GRM4: variants seen among roughly 807,000 people sequenced by gnomAD.
GRM4 encodes metabotropic glutamate receptor 4.
GRM4 carries 28 observed loss-of-function variants against 81.7 expected under a neutral mutation model. The observed-to-expected ratio is 0.34, with a 90% CI of 0.25 to 0.47. The LOEUF is 0.47. Among genes scored for constraint, GRM4 ranks in the 20% least tolerant of loss-of-function variants. GRM4 has a pLI of 1.00. For synonymous variants in GRM4, 488 were observed against 528.8 expected (o/e 0.92, Z 1.06); for missense variants, 948 against 1,290.0 (o/e 0.73, Z 4.06).
At chr6:34,100,158 G>T in intron 2 of GRM4, 2 of 493,430 alleles carry the variant, frequency 4.1e-6, no homozygotes, top group Non-Finnish European at 5.3e-6. Flanking sequence ...TGATCAGCCT[G>T]CGAGGGCCCA....
At chr6:34,033,872 G>A (rs960892914) in intron 9 of GRM4, among the ~76,000 whole-genome samples, 2 of 152,058 alleles carry the variant, frequency 1.3e-5, no homozygotes, top group Admixed American at 1.3e-4. Flanking sequence ...TGAATAGCTT[G>A]GACTACAAGC....
At chr6:34,119,168 G>A (rs1769705853) in intron 2 of GRM4, among the ~76,000 whole-genome samples, 1 of 152,200 alleles carries the variant, frequency 6.6e-6, no homozygotes, top group African/African-American at 2.4e-5. Context: ...GGCCAAGGCG[G>A]GTGGATCATT....
rs1581731174 is a variant in GRM4, at chr6:34,133,609, G to A, written c.-113C>T. 6.8e-7 allele frequency: 1 copy of A among 1,468,308 alleles called. No individual in the cohort carries two copies. Among genetic ancestry groups the A allele is most frequent in the Non-Finnish European group, 8.9e-7 (1 of 1,118,346 alleles). The allele number at this position is 1,468,308 out of a possible 1,614,324, so 91.0% of individuals were successfully genotyped here. A position where few individuals can be genotyped will look rare whatever the true frequency, so the allele number is the denominator to read the frequency against. ...GGGCAGCTTCAGCAGCAGGGGGACT[G>A]AGGGCAGCCAACCGCGTAGCCCATG... On this transcript the variant is annotated 5_prime_UTR_variant, in exon 2 of 11. An upstream open reading frame in the 5' UTR gains an earlier in-frame stop. Transcript: ENST00000538487. The surrounding 1 kb of genome is among the most constrained non-coding windows in gnomAD (Gnocchi z 6.5).
intron 3 of GRM4, among the ~76,000 whole-genome samples, chr6:34,077,162 C>T (rs1402620430): frequency 6.6e-6 from 1 of 152,080 alleles, no homozygotes; most frequent in Admixed American, 6.5e-5. Context: ...TCCAAAGTGC[C>T]CCACATATTT....
chr6:34,122,624 G>T (rs865931790), intron 2 of GRM4, among the ~76,000 whole-genome samples: 6 of 145,612 alleles, frequency 4.1e-5, no homozygotes, highest in East Asian at 4.4e-4. Flanking sequence ...CGGGGGGTGG[G>T]GGGGGCAGCT....
rs1234948770 is a variant in GRM4, at chr6:34,092,034, G to A, written c.585C>T (p.Phe195=). 2 of 1,614,040 alleles carry A rather than the reference G, an allele frequency of 1.2e-6. No individual in the cohort carries two copies. The highest frequency in any genetic ancestry group is 1.1e-5 in the South Asian group (1 of 91,078). ...ACGTGTCCGAGGGCACCACGCGGGA[G>A]AAGAAGTCGTAGCGGCTGTTGTCAC... is the stretch of plus-strand genomic sequence containing the variant. The part of the protein sequence containing the change: ...DLSDNSRYDF[F]SRVVPSDTYQ... Residue 195 remains phenylalanine (F), a synonymous_variant, in exon 3 of 11, where the codon TTC becomes TTT. Transcript: ENST00000538487. The surrounding 1 kb of genome is among the most constrained non-coding windows in gnomAD (Gnocchi z 6.8).
intron 4 of GRM4, chr6:34,061,681 A>G (rs1766185216): frequency 2.1e-6 from 1 of 475,584 alleles, no homozygotes; most frequent in Non-Finnish European, 3.8e-6. Context: ...GATGCAGGAA[A>G]TGGAGAGGGG....
At chr6:34,024,395 G>T in intron 10 of GRM4, 1 of 264,548 alleles carries the variant, frequency 3.8e-6, no homozygotes, top group Admixed American at 4.3e-5. Flanking sequence ...CAAGATGGAA[G>T]GATCCTGGGT....
intron 2 of GRM4, among the ~76,000 whole-genome samples, chr6:34,107,216 T>G (rs1000498304): frequency 2.0e-5 from 3 of 152,164 alleles, no homozygotes; most frequent in Non-Finnish European, 2.9e-5. Flanking sequence ...TGCTCTGACC[T>G]GATCTCTGGT....
intron 2 of GRM4, among the ~76,000 whole-genome samples, chr6:34,129,896 C>T (rs890819621): frequency 6.6e-6 from 1 of 152,310 alleles, no homozygotes; most frequent in South Asian, 2.1e-4. Context: ...CCAGGGCTCC[C>T]CTCTGAGCCA....
At position 34,036,970 on chromosome 6, in the gene GRM4, A is replaced by G. The variant is rs1262279902; in HGVS notation, c.1507-367T>C. The stretch of plus-strand genomic sequence containing the variant: ...TAGCCCCTAAGGCCTTGCTGCTCAC[A>G]GTGGTCCCCAGGGCGGCAGCAGCAG... On this transcript the variant is annotated intron_variant, in intron 8 of 10. Transcript: ENST00000538487. The surrounding 1 kb of genome is among the most constrained non-coding windows in gnomAD (Gnocchi z 9.0). Among the ~76,000 whole-genome samples the G allele has an allele frequency of 1.3e-5, 2 of 152,218 alleles. No individual in the cohort carries two copies. Among genetic ancestry groups the G allele is most frequent in the South Asian group, 2.1e-4 (1 of 4,832 alleles).
At chr6:34,129,830 C>G (rs1298263503) in intron 2 of GRM4, among the ~76,000 whole-genome samples, 5 of 152,170 alleles carry the variant, frequency 3.3e-5, no homozygotes, top group African/African-American at 1.2e-4. Context: ...TATCCTGACC[C>G]TGACTGCACT....
At position 34,035,980 on chromosome 6, in the gene GRM4, C is replaced by T; in HGVS notation, c.2130G>A (p.Gln710=). The T allele has an allele frequency of 6.2e-7, 1 of 1,613,586 alleles. No individual in the cohort carries two copies. Among genetic ancestry groups the T allele is most frequent in the Non-Finnish European group, 8.5e-7 (1 of 1,179,596 alleles). ...CAAACCACACACAGATGCCCAGCAG[C>T]TGCAGCGAGATGAGGCTGAAGGTGA... ...LAITFSLISL[Q]LLGICVWFVV... is the part of the protein sequence containing the mutation. Residue 710 remains glutamine, a synonymous_variant, in exon 9 of 11, where the codon CAG becomes CAA. Transcript: ENST00000538487. The surrounding 1 kb of genome is among the most constrained non-coding windows in gnomAD (Gnocchi z 6.6).
rs1345911050 is a variant in GRM4 at position 34,028,352 on chromosome 6, C to T, written c.2457G>A (p.Thr819=). Reference sequence around the variant, plus strand: ...GACTCACCGAGACCGTCAGCGTCGTCGTCTGGATGTACAGCTGGCGGAGGG... The same window carrying T: ...GACTCACCGAGACCGTCAGCGTCGTTGTCTGGATGTACAGCTGGCGGAGGG... The part of the protein sequence containing the change: ...SQSADKLYIQ[T]TTLTVSVSLS... The change falls in exon 10 of 11, where the codon ACG becomes ACA. Residue 819 remains threonine (T), a synonymous_variant. Coordinates refer to ENST00000538487, the MANE Select transcript of GRM4 (RefSeq NM_000841.4). 6.2e-7 allele frequency: 1 copy of T among 1,610,632 alleles called. No individual in the cohort carries two copies. Among genetic ancestry groups the T allele is most frequent in the South Asian group, 1.1e-5 (1 of 91,066 alleles).
chr6:34,053,081 A>G (rs1765690950), intron 6 of GRM4, among the ~76,000 whole-genome samples: 1 of 151,254 alleles, frequency 6.6e-6, no homozygotes, highest in South Asian at 2.1e-4. Context: ...AGCACCTATC[A>G]TACACATCAT....
chr6:34,095,586 G>C (rs1347706193), intron 2 of GRM4, among the ~76,000 whole-genome samples: 1 of 152,188 alleles, frequency 6.6e-6, no homozygotes, highest in African/African-American at 2.4e-5. Context: ...CCTGGCAGGC[G>C]GTAAGCACTA....
At chr6:34,106,041 A>T (rs772607387) in intron 2 of GRM4, 1 of 152,256 alleles carries the variant, frequency 6.6e-6, no homozygotes, top group Non-Finnish European at 1.5e-5. Context: ...TCCCACACAC[A>T]TGCACAGTGC....
intron 10 of GRM4, among the ~76,000 whole-genome samples, chr6:34,025,056 C>T (rs1305995130): frequency 1.3e-5 from 2 of 152,138 alleles, no homozygotes; most frequent in African/African-American, 2.4e-5. Context: ...GGGCGGGAGC[C>T]GAGATTCTAG....
rs1765475210 is a variant in GRM4 at position 34,048,825 on chromosome 6, T to G, written c.1168+7719A>C. Among the ~76,000 whole-genome samples, 1 of 152,044 alleles carries G rather than the reference T, an allele frequency of 6.6e-6. No individual in the cohort carries two copies. The highest frequency in any genetic ancestry group is 1.5e-5 in the Non-Finnish European group (1 of 68,018). ...TCCACCATGGTAAGCCGTGCTTGCT[T>G]CCTCTTCGCCTTCCACCATGATTGT... On this transcript the variant is annotated intron_variant, in intron 6 of 10. Transcript: ENST00000538487. This position sits in a 1 kb window ranked among gnomAD's most constrained non-coding sequence, Gnocchi z 4.0.
Sources: gnomAD v4.1 joint callset for allele counts (sites outside exome capture counted in the v4.1 genomes callset) on GRCh38, gnomAD v4.1.1 for gene constraint, Gnocchi (gnomAD v3.1) non-coding constraint, MANE v1.5 for transcripts, NCBI Gene and HGNC (gene_info 2026-07-23, HGNC 2026-07-21) for gene names.